NOS2: variants seen among roughly 807,000 people sequenced by gnomAD.
NOS2 encodes the protein nitric oxide synthase 2, also known as nitric oxide synthase, inducible.
A neutral mutation model predicts 136.0 loss-of-function variants in NOS2; 96 were observed. The observed-to-expected ratio is 0.71, with a 90% CI of 0.60 to 0.84. The LOEUF is 0.84. Among genes scored for constraint, NOS2 ranks in the 40% least tolerant of loss-of-function variants. The probability of loss-of-function intolerance (pLI) is 0.00; values close to 1 mark genes in which losing one functional copy is unlikely to be tolerated. For synonymous variants in NOS2, 539 were observed against 587.5 expected (o/e 0.92, Z 1.20); for missense variants, 1,237 against 1,496.9 (o/e 0.83, Z 2.87).
At chr17:27,771,839 C>T (rs1908505721) in intron 14 of NOS2, among the ~76,000 whole-genome samples, 1 of 152,248 alleles carries the variant, frequency 6.6e-6, no homozygotes, top group Non-Finnish European at 1.5e-5. Context: ...GTCAGATCCT[C>T]AGAGCCCGGG....
chr17:27,772,340 C>G lies in NOS2; in HGVS notation c.1672G>C (p.Gly558Arg). The change falls in exon 14 of 27, where the codon GGG (glycine) becomes CGG (arginine). Residue 558 changes from glycine to arginine, a missense_variant. Coordinates refer to ENST00000313735, the MANE Select transcript of NOS2 (RefSeq NM_000625.4). ...TTGAAGGCACAGCTGAATAAGGCCC[C>G]CAGGTCCCAGGCCAGCGCCTCTGAT... ...GKSEALAWDL[G>R]ALFSCAFNPK... 6.2e-7 allele frequency: 1 copy of G among 1,614,172 alleles called. No individual in the cohort carries two copies. Among genetic ancestry groups the G allele is most frequent in the Non-Finnish European group, 8.5e-7 (1 of 1,180,036 alleles).
intron 25 of NOS2, 115 bp from the exon 26 acceptor site, chr17:27,759,190 TC>T: frequency 1.5e-6 from 1 of 680,628 alleles, no homozygotes. Flanking sequence ...GAGGAGTGAG[TC>T]CCCTTCCAGC....
rs1031841936 is a variant in NOS2, at chr17:27,767,685, T to G, written c.2167+20A>C. The stretch of plus-strand genomic sequence containing the variant: ...GACCCCAACACAAACAAGCCCCATG[T>G]GCTGCAGAGAAGCAGGTACCTTTGC... On this transcript the variant is annotated intron_variant, in intron 18 of 26. Transcript: ENST00000313735. The G allele has an allele frequency of 3.1e-6, 5 of 1,612,444 alleles. No homozygotes were observed. In the African/African-American group the frequency reaches 4.0e-5, roughly 13 times the overall value.
intron 26 of NOS2, among the ~76,000 whole-genome samples, chr17:27,757,966 C>T (rs1303212371): frequency 6.6e-6 from 1 of 152,176 alleles, no homozygotes; most frequent in Non-Finnish European, 1.5e-5. Flanking sequence ...CTCACCATCT[C>T]AGGTTTATTC....
chr17:27,800,175 C>A (rs1406928164), intron 1 of NOS2, among the ~76,000 whole-genome samples, 164 bp downstream of exon 1: 1 of 152,228 alleles, frequency 6.6e-6, no homozygotes, highest in Admixed American at 6.5e-5. Context: ...GACCAAGATG[C>A]CATGTTCAAA....
At chr17:27,760,454 G>A (rs1355586689) in intron 24 of NOS2, among the ~76,000 whole-genome samples, 169 bp downstream of exon 24, 1 of 152,232 alleles carries the variant, frequency 6.6e-6, no homozygotes, top group East Asian at 1.9e-4. Context: ...GCTACTATGC[G>A]GGAGACGGAA....
intron 9 of NOS2, among the ~76,000 whole-genome samples, chr17:27,779,666 T>C (rs1173230673): frequency 6.6e-6 from 1 of 152,190 alleles, no homozygotes; most frequent in Non-Finnish European, 1.5e-5. Flanking sequence ...TTCAAGTATG[T>C]GCCAGGCTCT....
chr17:27,782,827 A>G, intron 6 of NOS2, 117 bp downstream of exon 6: 8 of 991,562 alleles, frequency 8.1e-6, no homozygotes, highest in Non-Finnish European at 1.2e-5. Context: ...GAGAGGATCC[A>G]GGGCCATGGC....
rs202093420 is a variant in NOS2 at position 27,769,161 on chromosome 17, G to A, written c.1860-10C>T. 2.1e-5 allele frequency: 34 copies of A among 1,601,258 alleles called. No individual in the cohort carries two copies. The highest frequency in any genetic ancestry group is 2.8e-5 in the Non-Finnish European group (33 of 1,175,942). ...GCCAAACACAGCGTACCTGCCCGAG[G>A]ACACACACAGAGACACATGTCCCAT... On this transcript the variant is annotated splice_polypyrimidine_tract_variant and intron_variant, in intron 16 of 26. Coordinates refer to ENST00000313735, the MANE Select transcript of NOS2 (RefSeq NM_000625.4).
chr17:27,766,079 A>G (rs941671696), intron 19 of NOS2, among the ~76,000 whole-genome samples: 10 of 152,256 alleles, frequency 6.6e-5, no homozygotes, highest in African/African-American at 1.9e-4. Flanking sequence ...AACCAAGGCC[A>G]GTTTTCCTAA....
At chr17:27,762,018 C>A (rs1308572782) in intron 22 of NOS2, among the ~76,000 whole-genome samples, 1 of 152,168 alleles carries the variant, frequency 6.6e-6, no homozygotes, top group Non-Finnish European at 1.5e-5. Context: ...GAAGTGTGGG[C>A]AGCTCCCAGC....
chr17:27,794,714 GCACACACACACACACA>G (rs56767383), intron 2 of NOS2, among the ~76,000 whole-genome samples: 2 of 145,612 alleles, frequency 1.4e-5, no homozygotes, highest in South Asian at 2.2e-4. Context: ...ACACACACGC[GCACACACACACACACA>G]CACACACACA....
chr17:27,771,327 T>G (rs1180826222), intron 14 of NOS2, among the ~76,000 whole-genome samples: 1 of 152,190 alleles, frequency 6.6e-6, no homozygotes, highest in Non-Finnish European at 1.5e-5. Context: ...CTATTTGCAA[T>G]TTTGTGTGTG....
At chr17:27,774,187 T>TGC in intron 12 of NOS2, 70 bp downstream of exon 12, 1 of 1,101,784 alleles carries the variant, frequency 9.1e-7, no homozygotes, top group Non-Finnish European at 1.2e-6. Context: ...AACAATGAGG[T>TGC]GCACACACAC....
At chr17:27,759,993 G>A (rs1908061488) in intron 25 of NOS2, 37 bp downstream of exon 25, 5 of 1,465,594 alleles carry the variant, frequency 3.4e-6, no homozygotes, top group Non-Finnish European at 4.5e-6. Context: ...TGGAGCTTGT[G>A]TGTGTAATGC....
chr17:27,772,327 C>T lies in NOS2; in HGVS notation c.1685G>A (p.Ser562Asn), dbSNP rs1292564630. The change falls in exon 14 of 27, where the codon AGC becomes AAC. Residue 562 changes from serine to asparagine, a missense_variant. By Grantham distance (46) the Ser-to-Asn change is conservative (BLOSUM62 1). Transcript: ENST00000313735. ...ALAWDLGALFSCAFNPKVVCM... is the reference protein window; with the variant it reads ...ALAWDLGALFNCAFNPKVVCM... Reference sequence around the variant, plus strand: ...CAGTACCTTGGGGTTGAAGGCACAGCTGAATAAGGCCCCCAGGTCCCAGGC... The same window carrying T: ...CAGTACCTTGGGGTTGAAGGCACAGTTGAATAAGGCCCCCAGGTCCCAGGC... The T allele has an allele frequency of 7.4e-6, 12 of 1,614,174 alleles. No homozygotes were observed. In the South Asian group the frequency reaches 1.3e-4, roughly 18 times the overall value.
chr17:27,777,706 G>T (rs28999385), intron 11 of NOS2, among the ~76,000 whole-genome samples: 27,073 of 152,094 alleles, frequency 0.18, 2,552 homozygotes, highest in Middle Eastern at 0.24. Flanking sequence ...GACAGACAAG[G>T]TCCCTGCCCC....
intron 11 of NOS2, 91 bp downstream of exon 11, chr17:27,778,599 G>A: frequency 9.9e-7 from 1 of 1,009,508 alleles, no homozygotes; most frequent in East Asian, 2.4e-5. Flanking sequence ...TGAGCAAGGG[G>A]GCTTACTTAT....
chr17:27,789,549 G>A (rs1909126967), intron 3 of NOS2, 55 bp downstream of exon 3: 1 of 1,339,738 alleles, frequency 7.5e-7, no homozygotes, highest in Non-Finnish European at 1.1e-6. Context: ...TGCTATGTCT[G>A]CATCTGCCTG....
Sources: allele counts gnomAD v4.1 joint callset (sites outside exome capture counted in the v4.1 genomes callset), GRCh38; gene constraint gnomAD v4.1.1; transcripts MANE v1.5; gene names NCBI Gene and HGNC (gene_info 2026-07-23, HGNC 2026-07-21).